The following LY75 variants were observed in gnomAD, a reference collection of about 807,000 sequenced individuals.
LY75 encodes lymphocyte antigen 75.
A neutral mutation model predicts 231.7 loss-of-function variants in LY75; 185 were observed. The observed-to-expected ratio is 0.80, with a 90% CI of 0.71 to 0.90. The LOEUF is 0.90. Among genes scored for constraint, LY75 ranks in the 40% least tolerant of loss-of-function variants. LY75 has a pLI of 0.00. For missense variants in LY75, 1,947 were observed against 2,050.2 expected (o/e 0.95, Z 0.97); for synonymous variants, 668 against 689.0 (o/e 0.97, Z 0.48).
At chr2:159,864,780 C>A (rs1035391818) in intron 14 of LY75, 59 bp downstream of exon 14, 7 of 1,431,852 alleles carry the variant, frequency 4.9e-6, no homozygotes, top group African/African-American at 4.4e-5. Context: ...TAACAATCAA[C>A]TTGTTATTGA....
chr2:159,878,696 C>T lies in LY75; in HGVS notation c.1541G>A (p.Cys514Tyr). The T allele has an allele frequency of 6.2e-7, 1 of 1,613,946 alleles. No homozygotes were observed. Among genetic ancestry groups the T allele is most frequent in the Non-Finnish European group, 8.5e-7 (1 of 1,179,904 alleles). ...GACCTCATCCTCATAAATCTTGTAA[C>T]AGGTTTCTCCATGTCTCTTCCAGCC... is the stretch of plus-strand genomic sequence containing the variant. ...DEGWKRHGET[C>Y]YKIYEDEVPF... Residue 514 changes from cysteine to tyrosine, a missense_variant, in exon 10 of 35, where the codon TGT becomes TAT. By Grantham distance (194) the Cys-to-Tyr change is radical. Coordinates refer to ENST00000263636, the MANE Select transcript of LY75 (RefSeq NM_002349.4).
At chr2:159,874,994 AAT>A (rs976411991) in intron 12 of LY75, among the ~76,000 whole-genome samples, 1 of 143,214 alleles carries the variant, frequency 7.0e-6, no homozygotes, top group Non-Finnish European at 1.5e-5. Flanking sequence ...TATGTTTATA[AAT>A]ATATATATTG....
chr2:159,807,908 G>A, intron 33 of LY75: 1 of 984,960 alleles, frequency 1.0e-6, no homozygotes, highest in Non-Finnish European at 1.2e-6. Context: ...CAATTTTATA[G>A]GTTGGCGCAA....
chr2:159,881,264 T>C (rs768865836), intron 7 of LY75, 24 bp from the exon 8 acceptor site: 1 of 1,602,558 alleles, frequency 6.2e-7, no homozygotes, highest in Non-Finnish European at 8.5e-7. Context: ...GTATTATTTG[T>C]TTGGTTTTGC....
At chr2:159,877,027 A>AG (rs1281338371) in intron 11 of LY75, among the ~76,000 whole-genome samples, 2 of 150,216 alleles carry the variant, frequency 1.3e-5, no homozygotes, top group Non-Finnish European at 3.0e-5. Flanking sequence ...AAAAAAAAAA[A>AG]AAAAAAAGAA....
intron 4 of LY75, among the ~76,000 whole-genome samples, chr2:159,888,689 CA>C: frequency 6.6e-6 from 1 of 152,222 alleles, no homozygotes; most frequent in African/African-American, 2.4e-5. Context: ...CAGCTTTGTG[CA>C]AAAGTGAAAA....
At chr2:159,864,556 A>G (rs1684802850) in intron 14 of LY75, among the ~76,000 whole-genome samples, 1 of 152,080 alleles carries the variant, frequency 6.6e-6, no homozygotes, top group Non-Finnish European at 1.5e-5. Flanking sequence ...CTATAAATAT[A>G]TGGATGTATT....
In LY75 at chr2:159,893,914, C is replaced by G; in HGVS notation, c.637G>C (p.Glu213Gln). The change falls in exon 3 of 35, where the codon GAA becomes CAA. Residue 213 changes from glutamate (E) to glutamine (Q), a missense_variant and splice_region_variant. By Grantham distance (29) the Glu-to-Gln change is conservative (BLOSUM62 2). Transcript: ENST00000263636. ...ATAAAATTTACCAGCCCATACATAC[C>G]AGGCTTTAAGCAGATGCCCCACTTT... ...DRKWGICLKP[E>Q]NGCEDNWEKN... 1 of 1,606,762 alleles carries G rather than the reference C, an allele frequency of 6.2e-7. No individual in the cohort carries two copies. The highest frequency in any genetic ancestry group is 8.5e-7 in the Non-Finnish European group (1 of 1,176,600).
intron 33 of LY75, 196 bp downstream of exon 33, chr2:159,808,253 G>T: frequency 1.3e-6 from 1 of 775,756 alleles, no homozygotes; most frequent in Non-Finnish European, 1.6e-6. Context: ...GTCATTAGTG[G>T]TTTCCGTCAT....
chr2:159,878,478 G>C lies in LY75; in HGVS notation c.1620C>G (p.Tyr540Ter), dbSNP rs34313381. 155 of 1,613,786 alleles carry C rather than the reference G, an allele frequency of 9.6e-5. No individual in the cohort carries two copies. Among genetic ancestry groups the C allele is most frequent in the Non-Finnish European group, 1.1e-4 (130 of 1,179,954 alleles). Reference protein sequence around the residue: ...LTITSRFEQEYLNDLMKKYDK... With the variant: ...LTITSRFEQE ...CATACTTTTTCATCAAATCATTTAG[G>C]TATTCTTGCTCAAATCTACAAAAGG... The change falls in exon 11 of 35, where the codon TAC becomes TAG. Residue 540 changes from tyrosine to a stop codon, truncating the protein, a stop_gained. Coordinates refer to ENST00000263636, the MANE Select transcript of LY75 (RefSeq NM_002349.4). LOFTEE classifies it high-confidence loss of function.
At chr2:159,823,959 T>C (rs1683380139) in intron 28 of LY75, among the ~76,000 whole-genome samples, 1 of 151,830 alleles carries the variant, frequency 6.6e-6, no homozygotes, top group Non-Finnish European at 1.5e-5. Context: ...GCACTAAACA[T>C]GGAAAGGAAA....
intron 23 of LY75, among the ~76,000 whole-genome samples, chr2:159,848,904 T>A (rs1309300987): frequency 2.0e-5 from 3 of 152,086 alleles, no homozygotes; most frequent in Admixed American, 2.0e-4. Context: ...CATATCAGAG[T>A]GCATAAATTA....
chr2:159,858,454 C>T lies in LY75; in HGVS notation c.2291G>A (p.Arg764Lys), dbSNP rs750265620. ...TCTATCATCATAGAAATGCCAGCCT[C>T]TTCGCCATGGCCTATGAAATACCTA... ...AVKVFHRPWR[R>K]GWHFYDDREF... The change falls in exon 16 of 35, where the codon AGA becomes AAA. Residue 764 changes from arginine (R) to lysine (K), a missense_variant. Physicochemically the swap from Arg to Lys is conservative, Grantham distance 26. Coordinates refer to ENST00000263636, the MANE Select transcript of LY75 (RefSeq NM_002349.4). 24 of 1,612,776 alleles carry T rather than the reference C, an allele frequency of 1.5e-5. No individual in the cohort carries two copies. The highest frequency in any genetic ancestry group is 1.9e-5 in the Non-Finnish European group (23 of 1,179,588).
At position 159,875,593 on chromosome 2, in the gene LY75, A is replaced by C. The variant is rs763116849; in HGVS notation, c.1825T>G (p.Trp609Gly). 9.9e-6 allele frequency: 16 copies of C among 1,613,830 alleles called. No individual in the cohort carries two copies. In the Admixed American group the frequency reaches 1.5e-4, roughly 15 times the overall value. The change falls in exon 12 of 35, where the codon TGG (tryptophan) becomes GGG (glycine). Residue 609 changes from tryptophan (W) to glycine (G), a missense_variant. Coordinates refer to ENST00000263636, the MANE Select transcript of LY75 (RefSeq NM_002349.4). ...AAGCTTCTGCAGTCCTTCACCTCCC[A>C]CTTTCCAACAGACTTTCCAGTAGAC... ...AMSTGKSVGK[W>G]EVKDCRSFKA... is the part of the protein sequence containing the mutation.
In LY75 at chr2:159,833,583, C is replaced by T. The variant is rs767881551; in HGVS notation, c.3841+461G>A. Among the ~76,000 whole-genome samples, 147 of 152,240 alleles carry T rather than the reference C, an allele frequency of 9.7e-4. 1 individual carries two copies. Among genetic ancestry groups the T allele is most frequent in the Middle Eastern group, 6.8e-3 (2 of 294 alleles). ...GATATTAGGAGATGAATATTTTTGTCATCTAGTTACTAGTGCTAATTAGAA... is the reference window on the plus strand; with the variant it reads ...GATATTAGGAGATGAATATTTTTGTTATCTAGTTACTAGTGCTAATTAGAA... On this transcript the variant is annotated intron_variant, in intron 27 of 34. Transcript: ENST00000263636.
intron 24 of LY75, 56 bp downstream of exon 24, chr2:159,842,185 CTCTA>C (rs1476464070): frequency 6.5e-6 from 10 of 1,529,636 alleles, no homozygotes; most frequent in East Asian, 4.9e-5. Flanking sequence ...CTCTCTCTCT[CTCTA>C]TATATATATA....
At chr2:159,878,232 A>C in intron 11 of LY75, 92 bp downstream of exon 11, 1 of 1,503,804 alleles carries the variant, frequency 6.6e-7, no homozygotes, top group Non-Finnish European at 8.9e-7. Flanking sequence ...CATGTCCCTC[A>C]CATTTCAAAA....
intron 24 of LY75, among the ~76,000 whole-genome samples, 196 bp from the exon 25 acceptor site, chr2:159,841,151 T>C (rs1684014493): frequency 3.9e-5 from 6 of 152,212 alleles, no homozygotes; most frequent in Admixed American, 3.9e-4. Flanking sequence ...CAACATTTGT[T>C]TTCTAAAATC....
intron 28 of LY75, among the ~76,000 whole-genome samples, chr2:159,826,146 G>C (rs1463759114): frequency 6.6e-6 from 1 of 152,142 alleles, no homozygotes; most frequent in Non-Finnish European, 1.5e-5. Context: ...CATTCAAATG[G>C]GAAGAGGGGA....
Sources: gnomAD v4.1 joint callset for allele counts (sites outside exome capture counted in the v4.1 genomes callset) on GRCh38, gnomAD v4.1.1 for gene constraint, MANE v1.5 for transcripts, NCBI Gene and HGNC (gene_info 2026-07-23, HGNC 2026-07-21) for gene names.